Variants in CDK12 observed in about 807,000 individuals in gnomAD.
CDK12 encodes cyclin dependent kinase 12.
CDK12 carries 17 observed loss-of-function variants against 133.8 expected under a neutral mutation model. The ratio of observed to expected loss-of-function variants is 0.13; its 90% CI spans 0.09 to 0.19. The LOEUF is 0.19. Ranked by LOEUF, CDK12 falls within the 10% of genes least tolerant of loss-of-function variation. The pLI, the probability that CDK12 is intolerant of heterozygous loss-of-function variation, is 1.00. For missense variants in CDK12, 1,508 were observed against 1,818.7 expected, an observed-to-expected ratio of 0.83 and a Z score of 3.11; for synonymous variants, 694 against 683.6, an observed-to-expected ratio of 1.02 and a Z score of -0.24.
At chr17:39,474,085 T>C (rs1415135144) in intron 2 of CDK12, among the ~76,000 whole-genome samples, 1 of 152,048 alleles carries the variant, frequency 6.6e-6, no homozygotes, top group African/African-American at 2.4e-5. Flanking sequence ...TTCCTTAATA[T>C]CTTGACAGGA....
At chr17:39,523,727 C>G (rs2054319734) in intron 11 of CDK12, among the ~76,000 whole-genome samples, 1 of 147,354 alleles carries the variant, frequency 6.8e-6, no homozygotes, top group Non-Finnish European at 1.5e-5. Context: ...GATCTCGGCT[C>G]ACTGCAGCCT....
chr17:39,496,346 T>C (rs1401199617), intron 5 of CDK12, among the ~76,000 whole-genome samples: 1 of 152,138 alleles, frequency 6.6e-6, no homozygotes, highest in Non-Finnish European at 1.5e-5. Flanking sequence ...TGCGTAAACA[T>C]AGGTGAATCC....
chr17:39,488,200 T>TTCCA (rs1278150999), intron 2 of CDK12, among the ~76,000 whole-genome samples: 1 of 151,660 alleles, frequency 6.6e-6, no homozygotes, highest in African/African-American at 2.4e-5. Context: ...TGTCATTGCA[T>TTCCA]TCCAGCCTGG....
chr17:39,521,547 G>A lies in CDK12; in HGVS notation c.3095+1460G>A, dbSNP rs2054167185. 2.0e-5 allele frequency among the ~76,000 whole-genome samples: 3 copies of A among 152,012 alleles called. No homozygotes were observed. The South Asian group carries it at 6.2e-4, about 31-fold the overall frequency. On this transcript the variant is annotated intron_variant, in intron 11 of 13. Transcript: ENST00000447079. ...CAAGGTGCCGGGATTACAGATGTGA[G>A]CTACTGCTCCCAGCCTTTTTTGTTT...
upstream of CDK12, among the ~76,000 whole-genome samples, chr17:39,544,887 C>T (rs907358899): frequency 1.3e-5 from 2 of 152,164 alleles, no homozygotes; most frequent in Non-Finnish European, 2.9e-5. Context: ...GCCTCAGCCT[C>T]CCAAAGTGCT....
intron 5 of CDK12, among the ~76,000 whole-genome samples, chr17:39,498,628 C>A (rs879390171): frequency 1.3e-4 from 20 of 152,166 alleles, no homozygotes; most frequent in Non-Finnish European, 2.4e-4. Context: ...CTCCTGGGCT[C>A]AAATGATTCT....
In CDK12 at chr17:39,498,585, A is replaced by G. The variant is rs906356599; in HGVS notation, c.2420-2665A>G. Among the ~76,000 whole-genome samples the G allele has an allele frequency of 3.3e-5, 5 of 152,126 alleles. No homozygotes were observed. In the East Asian group the frequency reaches 9.7e-4, roughly 30 times the overall value. ...TGCTTTCTCACCCAGGCTAGAGTAC[A>G]TTGGTGCAATCACAGCTTATTGTAG... On this transcript the variant is annotated intron_variant, in intron 5 of 13. Coordinates refer to ENST00000447079, the MANE Select transcript of CDK12 (RefSeq NM_016507.4).
rs2049005394 is a variant in CDK12, at chr17:39,462,200, G to A, written c.129G>A (p.Lys43=). 1 of 1,614,218 alleles carries A rather than the reference G, an allele frequency of 6.2e-7. No homozygotes were observed. The highest frequency in any genetic ancestry group is 8.5e-7 in the Non-Finnish European group (1 of 1,180,038). ...RERHRLVSKH[K]RHKSKHSKDM... ...GTCACCGCTTGGTATCGAAGCACAA[G>A]CGGCATAAGTCCAAACACTCCAAAG... The change falls in exon 1 of 14, where the codon AAG becomes AAA. Residue 43 remains lysine (K), a synonymous_variant. Transcript: ENST00000447079.
At chr17:39,483,886 C>G (rs2050919754) in intron 2 of CDK12, among the ~76,000 whole-genome samples, 1 of 151,474 alleles carries the variant, frequency 6.6e-6, no homozygotes, top group Non-Finnish European at 1.5e-5. Flanking sequence ...CTCTGTTGCC[C>G]AGGCTGGAGT....
rs759418875 is a variant in CDK12 at position 39,534,188 on chromosome 17, C to T, written c.*2872C>T. The T allele has an allele frequency of 1.7e-5, 4 of 232,528 alleles. No homozygotes were observed. The highest frequency in any genetic ancestry group is 4.4e-5 in the African/African-American group (2 of 45,298). The allele number at this position is 232,528 out of a possible 1,614,324, so 14.4% of individuals were successfully genotyped here. ...ATTTGAAAGCAACATCAAATCTATA[C>T]GTTTAAAGCAGGGCAGTTAGCACAA... On this transcript the variant is annotated 3_prime_UTR_variant, in exon 14 of 14. Coordinates refer to ENST00000447079, the MANE Select transcript of CDK12 (RefSeq NM_016507.4).
In CDK12 at chr17:39,555,706, T is replaced by C. The variant is rs150903411; in HGVS notation, n.357-580T>C. Among the ~76,000 whole-genome samples the C allele has an allele frequency of 1.3e-4, 20 of 151,784 alleles. No individual in the cohort carries two copies. The East Asian group carries it at 2.3e-3, about 18-fold the overall frequency. Reference sequence around the variant, plus strand: ...AGCCCCAGGAGAGATAAAAGAATCATGCCATGGCCAGGTGCAGTGACTTAT... The same window carrying C: ...AGCCCCAGGAGAGATAAAAGAATCACGCCATGGCCAGGTGCAGTGACTTAT... On this transcript the variant is annotated intron_variant and non_coding_transcript_variant, in intron 2 of 3. Coordinates refer to the CDK12 transcript ENST00000558240.
intron 2 of CDK12, among the ~76,000 whole-genome samples, chr17:39,473,210 T>G (rs1037911552): frequency 2.0e-5 from 3 of 152,188 alleles, no homozygotes; most frequent in African/African-American, 4.8e-5. Context: ...ATAGCCGGGT[T>G]TGTTTTTTCT....
At chr17:39,556,065 G>A (rs546675859) in intron 2 of CDK12, among the ~76,000 whole-genome samples, 49 of 149,166 alleles carry the variant, frequency 3.3e-4, no homozygotes, top group African/African-American at 1.1e-3. Flanking sequence ...AACATGCCAC[G>A]ATGCCACATG....
chr17:39,501,697 A>G (rs1035365802), intron 6 of CDK12, among the ~76,000 whole-genome samples: 1 of 152,138 alleles, frequency 6.6e-6, no homozygotes, highest in Non-Finnish European at 1.5e-5. Flanking sequence ...ACTTACTCCT[A>G]GGTTTTAATA....
intron 6 of CDK12, among the ~76,000 whole-genome samples, chr17:39,505,867 T>A (rs1457198170): frequency 3.9e-5 from 6 of 152,176 alleles, no homozygotes; most frequent in Admixed American, 3.9e-4. Context: ...TGTGGGAGTC[T>A]TGGAACCAAT....
At chr17:39,493,569 C>T (rs2051819936) in intron 4 of CDK12, among the ~76,000 whole-genome samples, 1 of 152,062 alleles carries the variant, frequency 6.6e-6, no homozygotes, top group South Asian at 2.1e-4. Flanking sequence ...GAAATAGCCA[C>T]CCACCTCAGC....
intron 1 of CDK12, among the ~76,000 whole-genome samples, chr17:39,464,448 A>G (rs2049155043): frequency 7.1e-6 from 1 of 141,338 alleles, no homozygotes; most frequent in African/African-American, 2.7e-5. Flanking sequence ...GTTGCCCAGG[A>G]TGGTCTTGAA....
At chr17:39,498,851 C>A (rs1346918475) in intron 5 of CDK12, among the ~76,000 whole-genome samples, 1 of 151,012 alleles carries the variant, frequency 6.6e-6, no homozygotes, top group Non-Finnish European at 1.5e-5. Context: ...ATTTTTCTCT[C>A]AATTTTTAAT....
chr17:39,542,159 A>ATG (rs1555584182), intron 1 of CDK12, among the ~76,000 whole-genome samples: 147 of 89,974 alleles, frequency 1.6e-3, no homozygotes, highest in Non-Finnish European at 3.2e-3. Flanking sequence ...ACATATATAT[A>ATG]TGTGTGTGTG....
Sources: gnomAD v4.1 joint callset for allele counts (sites outside exome capture counted in the v4.1 genomes callset) on GRCh38, gnomAD v4.1.1 for gene constraint, MANE v1.5 for transcripts, NCBI Gene and HGNC (gene_info 2026-07-23, HGNC 2026-07-21) for gene names.